PIK3CB: variants seen among roughly 807,000 people sequenced by gnomAD.
PIK3CB encodes the protein phosphatidylinositol-4,5-bisphosphate 3-kinase catalytic subunit beta.
A neutral mutation model predicts 136.8 loss-of-function variants in PIK3CB; 39 were observed. That is an observed-to-expected ratio of 0.29 (90% CI 0.22 to 0.37). The LOEUF (loss-of-function observed/expected upper bound fraction) is 0.37. Ranked by LOEUF, PIK3CB falls within the 10% of genes least tolerant of loss-of-function variation. PIK3CB has a pLI of 1.00. For missense variants in PIK3CB, 868 were observed against 1,275.4 expected, an observed-to-expected ratio of 0.68 and a Z score of 4.87; for synonymous variants, 428 against 436.6, an observed-to-expected ratio of 0.98 and a Z score of 0.25.
rs541288002 is a variant in PIK3CB, at chr3:138,810,844, C to T, written c.-121-14277G>A. Among the ~76,000 whole-genome samples the T allele has an allele frequency of 1.3e-3, 191 of 151,510 alleles. No homozygotes were observed. In the Middle Eastern group the frequency reaches 0.014, roughly 11 times the overall value. ...CTGAGGCAGGAGAATGGCATGAACC[C>T]GGGAAGCGGAGCTTGCAGTGAGCCG... On this transcript the variant is annotated intron_variant, in intron 1 of 23. Coordinates refer to ENST00000674063, the MANE Select transcript of PIK3CB (RefSeq NM_006219.3).
intron 8 of PIK3CB, among the ~76,000 whole-genome samples, chr3:138,719,744 C>T (rs2044688658): frequency 6.6e-6 from 1 of 152,070 alleles, no homozygotes; most frequent in South Asian, 2.1e-4. Flanking sequence ...TGTATCATCT[C>T]CAGAGAAGTC....
intron 1 of PIK3CB, among the ~76,000 whole-genome samples, chr3:138,834,122 T>C (rs577612194): frequency 6.6e-6 from 1 of 152,342 alleles, no homozygotes; most frequent in East Asian, 1.9e-4. Context: ...ACTTAGCACT[T>C]GTTCAGTTAT....
chr3:138,678,959 G>A (rs1246830495), intron 19 of PIK3CB, among the ~76,000 whole-genome samples: 1 of 152,038 alleles, frequency 6.6e-6, no homozygotes, highest in African/African-American at 2.4e-5. Flanking sequence ...CCAGCTACTC[G>A]GGAGGCTGAG....
At chr3:138,827,612 G>C (rs1036515799) in intron 1 of PIK3CB, among the ~76,000 whole-genome samples, 8 of 151,856 alleles carry the variant, frequency 5.3e-5, no homozygotes, top group African/African-American at 1.9e-4. Flanking sequence ...ACAGCAGTTC[G>C]AGGTTACGGT....
intron 2 of PIK3CB, among the ~76,000 whole-genome samples, chr3:138,769,380 A>G (rs533303531): frequency 6.6e-6 from 1 of 152,330 alleles, no homozygotes; most frequent in East Asian, 1.9e-4. Flanking sequence ...TTTTTGGCTA[A>G]TTCTTGAAGG....
intron 11 of PIK3CB, among the ~76,000 whole-genome samples, chr3:138,706,751 G>A (rs570005603): frequency 5.3e-5 from 8 of 152,182 alleles, no homozygotes; most frequent in African/African-American, 1.7e-4. Context: ...TCCGCCTCCC[G>A]GGTTCAAGCA....
intron 1 of PIK3CB, among the ~76,000 whole-genome samples, chr3:138,807,839 G>A (rs1325885739): frequency 4.6e-5 from 7 of 151,412 alleles, no homozygotes; most frequent in African/African-American, 1.7e-4. Flanking sequence ...AGGCTGCAGT[G>A]AGCTATGATC....
intron 19 of PIK3CB, among the ~76,000 whole-genome samples, chr3:138,672,281 G>T (rs7613290): frequency 5.3e-5 from 8 of 151,848 alleles, no homozygotes; most frequent in Admixed American, 2.0e-4. Context: ...AAAAAAAAAA[G>T]TTTCATGTAA....
rs1432065738 is a variant in PIK3CB, at chr3:138,770,129, CAG to C, written c.-16-10772_-16-10771del. 6 of 152,274 alleles carry C rather than the reference CAG, an allele frequency of 3.9e-5. No individual in the cohort carries two copies. The East Asian group carries it at 9.7e-4, about 25-fold the overall frequency. 9.4% of individuals were successfully genotyped at this position (152,274 alleles called of 1,614,324 possible). A position where few individuals can be genotyped will look rare whatever the true frequency, so the allele number is the denominator to read the frequency against. The stretch of plus-strand genomic sequence containing the variant: ...CAAGAGATCAAAGGCTAAGGACAAG[CAG>C]AGTTTTTAAACTATGAAAACTTTTC... On this transcript the variant is annotated intron_variant, in intron 2 of 23. Coordinates refer to ENST00000674063, the MANE Select transcript of PIK3CB (RefSeq NM_006219.3).
rs60503033 is a variant in PIK3CB, at chr3:138,744,392, CAAAAAAAAAAAAA to C, written c.398-1624_398-1612del. On this transcript the variant is annotated intron_variant, in intron 4 of 23. Transcript: ENST00000674063. ...ACTGGGTGACAGAGCGAGACTCCCCCAAAAAAAAAAAAAAAAAAAAAAAAAAAAAAGGAAGTGG... is the reference window on the plus strand; with the variant it reads ...ACTGGGTGACAGAGCGAGACTCCCCCAAAAAAAAAAAAAAAAAGGAAGTGG... Among the ~76,000 whole-genome samples the C allele has an allele frequency of 1.4e-3, 65 of 45,110 alleles. 2 individuals carry two copies. The highest frequency in any genetic ancestry group is 4.4e-3 in the East Asian group (9 of 2,060). 29.6% of individuals were successfully genotyped at this position (45,110 alleles called of 152,430 possible). A position where few individuals can be genotyped will look rare whatever the true frequency, so the allele number is the denominator to read the frequency against.
At chr3:138,826,244 TGG>T (rs938368900) in intron 1 of PIK3CB, 2 of 1,546,028 alleles carry the variant, frequency 1.3e-6, no homozygotes, top group African/African-American at 2.7e-5. Context: ...AGAGTTGCCG[TGG>T]GTGTCATCAA....
chr3:138,687,325 A>T (rs2043916442), intron 16 of PIK3CB, among the ~76,000 whole-genome samples: 1 of 152,178 alleles, frequency 6.6e-6, no homozygotes, highest in Non-Finnish European at 1.5e-5. Flanking sequence ...GAAAATATGC[A>T]GTGTGGAAAA....
At chr3:138,710,435 T>TA (rs2108570854) in intron 10 of PIK3CB, among the ~76,000 whole-genome samples, 1 of 152,174 alleles carries the variant, frequency 6.6e-6, no homozygotes, top group Non-Finnish European at 1.5e-5. Flanking sequence ...AGCCATGAAT[T>TA]AAAAAATTCA....
intron 8 of PIK3CB, among the ~76,000 whole-genome samples, chr3:138,730,749 C>T (rs1441381349): frequency 6.6e-6 from 1 of 151,880 alleles, no homozygotes; most frequent in East Asian, 1.9e-4. Flanking sequence ...ATAGCAAGAC[C>T]CTATCTCTAT....
rs556857163 is a variant in PIK3CB, at chr3:138,675,372, TGAGA to T, written c.2504+6591_2504+6594del. On this transcript the variant is annotated intron_variant, in intron 19 of 23. Transcript: ENST00000674063. The stretch of plus-strand genomic sequence containing the variant: ...TGCATAATGGCGTTTAAGAAGGAGA[TGAGA>T]GAGAGAGGCAGAAAAAATATATGAA... Among the ~76,000 whole-genome samples the T allele has an allele frequency of 3.1e-3, 467 of 151,674 alleles. 5 individuals carry two copies. Among genetic ancestry groups the T allele is most frequent in the Middle Eastern group, 0.017 (5 of 294 alleles).
At chr3:138,775,892 C>A (rs968377779) in intron 2 of PIK3CB, among the ~76,000 whole-genome samples, 6 of 152,138 alleles carry the variant, frequency 3.9e-5, no homozygotes, top group African/African-American at 1.4e-4. Flanking sequence ...ATATAGCATT[C>A]TTTTAAATTA....
intron 1 of PIK3CB, among the ~76,000 whole-genome samples, chr3:138,805,153 G>A (rs1290893514): frequency 1.3e-5 from 2 of 151,626 alleles, no homozygotes; most frequent in Non-Finnish European, 2.9e-5. Flanking sequence ...TGGCCAACGT[G>A]ACAAAACCGT....
intron 8 of PIK3CB, among the ~76,000 whole-genome samples, chr3:138,732,720 G>GA (rs68137286): frequency 0.59 from 65,120 of 109,892 alleles, 16,272 homozygotes; most frequent in East Asian, 0.9. Context: ...GGAAAGAAAA[G>GA]AAAAAAAAAA....
In PIK3CB at chr3:138,684,633, T is replaced by C; in HGVS notation, c.2307A>G (p.Ser769=). The change falls in exon 17 of 24, where the codon TCA becomes TCG. Residue 769 remains serine (S), a synonymous_variant. Transcript: ENST00000674063. Reference sequence around the variant, plus strand: ...AAAGCACAGTCACTTACTAGAGTTCTGAGAGGATAACACATGGGTTCAGGG... The same window carrying C: ...AAAGCACAGTCACTTACTAGAGTTCCGAGAGGATAACACATGGGTTCAGGG... ...QSPLNPCVIL[S]ELYVEKCKYM... 2 of 1,604,502 alleles carry C rather than the reference T, an allele frequency of 1.2e-6. No homozygotes were observed. The highest frequency in any genetic ancestry group is 1.7e-6 in the Non-Finnish European group (2 of 1,176,376).
Sources: gnomAD v4.1 joint callset for allele counts (sites outside exome capture counted in the v4.1 genomes callset) on GRCh38, gnomAD v4.1.1 for gene constraint, MANE v1.5 for transcripts, NCBI Gene and HGNC (gene_info 2026-07-23, HGNC 2026-07-21) for gene names.